The following DYM variants were observed in gnomAD, a reference collection of about 807,000 sequenced individuals.
The protein encoded by DYM is dymeclin.
In DYM, 78 loss-of-function variants were observed where a neutral mutation model predicts 93.1. The ratio of observed to expected loss-of-function variants is 0.84; its 90% CI spans 0.70 to 1.01. The LOEUF (loss-of-function observed/expected upper bound fraction) is 1.01, where lower values mean the gene tolerates loss of function less well. Ranked by LOEUF, DYM falls within the 50% of genes least tolerant of loss-of-function variation. DYM has a pLI of 0.00. For synonymous variants in DYM, 321 were observed against 319.7 expected, an observed-to-expected ratio of 1.00 and a Z score of -0.04; for missense variants, 789 against 845.0, an observed-to-expected ratio of 0.93 and a Z score of 0.82.
intron 14 of DYM, among the ~76,000 whole-genome samples, chr18:49,195,840 C>T (rs112078213): frequency 0.015 from 2,188 of 150,572 alleles, 53 homozygotes; most frequent in African/African-American, 0.05. Context: ...TTTTACTGTA[C>T]GTGGGTAGAA....
At chr18:49,388,126 G>A (rs2068813719) in intron 3 of DYM, among the ~76,000 whole-genome samples, 1 of 152,048 alleles carries the variant, frequency 6.6e-6, no homozygotes, top group Admixed American at 6.6e-5. Context: ...GATCACTTGA[G>A]CCCAGAAGTT....
rs540189318 is a variant in DYM, at chr18:49,195,916, C to CTTTTTTTTTTTTTT, written c.1625+13621_1625+13634dup. On this transcript the variant is annotated intron_variant, in intron 14 of 17. Coordinates refer to ENST00000675505, the MANE Select transcript of DYM (RefSeq NM_001353214.3). ...ATTATGCTCTCTTGAATGCTACCAT[C>CTTTTTTTTTTTTTT]TTTTTTTTTTTTTTTTTTTTTTTTT... 8.7e-4 allele frequency among the ~76,000 whole-genome samples: 73 copies of CTTTTTTTTTTTTTT among 84,038 alleles called. 5 individuals are homozygous for CTTTTTTTTTTTTTT. The highest frequency in any genetic ancestry group is 9.1e-3 in the Middle Eastern group (1 of 110). The allele number at this position is 84,038 out of a possible 152,430, so 55.1% of individuals were successfully genotyped here. A position where few individuals can be genotyped will look rare whatever the true frequency, so the allele number is the denominator to read the frequency against.
chr18:49,059,709 C>T (rs1392716163), intron 17 of DYM, among the ~76,000 whole-genome samples: 2 of 152,092 alleles, frequency 1.3e-5, no homozygotes, highest in Non-Finnish European at 2.9e-5. Flanking sequence ...TGAAGGCTTA[C>T]TCAGTACCAC....
At chr18:49,160,971 G>A (rs2087035528) in intron 15 of DYM, among the ~76,000 whole-genome samples, 1 of 151,700 alleles carries the variant, frequency 6.6e-6, no homozygotes, top group South Asian at 2.1e-4. Flanking sequence ...CTCTCCTACT[G>A]AATCAGTGCT....
intron 1 of DYM, among the ~76,000 whole-genome samples, chr18:49,455,418 A>G (rs561669227): frequency 6.6e-6 from 1 of 152,330 alleles, no homozygotes; most frequent in South Asian, 2.1e-4. Flanking sequence ...GAGAAATCTA[A>G]AGGAAGAGAA....
intron 11 of DYM, among the ~76,000 whole-genome samples, chr18:49,260,634 A>T (rs2094475273): frequency 6.6e-6 from 1 of 152,226 alleles, no homozygotes; most frequent in Admixed American, 6.5e-5. Context: ...AGAAAGTTCC[A>T]TTGGCTTCCA....
intron 1 of DYM, among the ~76,000 whole-genome samples, chr18:49,458,733 G>A (rs2083217185): frequency 1.3e-5 from 2 of 152,116 alleles, no homozygotes; most frequent in Non-Finnish European, 2.9e-5. Flanking sequence ...CAGCTACTCA[G>A]GAGGCTGAGG....
At chr18:49,091,962 A>G (rs189842577) in intron 17 of DYM, among the ~76,000 whole-genome samples, 76 of 152,296 alleles carry the variant, frequency 5.0e-4, no homozygotes, top group African/African-American at 1.7e-3. Flanking sequence ...ATACTGGATC[A>G]TTAAATCAAT....
At chr18:49,329,868 G>A (rs552283276) in intron 8 of DYM, among the ~76,000 whole-genome samples, 1 of 152,248 alleles carries the variant, frequency 6.6e-6, no homozygotes, top group South Asian at 2.1e-4. Flanking sequence ...TTTTTTCAGT[G>A]AGGAACTTCC....
intron 1 of DYM, among the ~76,000 whole-genome samples, chr18:49,433,937 C>T (rs779645942): frequency 2.7e-4 from 41 of 152,074 alleles, no homozygotes; most frequent in Non-Finnish European, 4.6e-4. Context: ...TGGCCAGGCG[C>T]GGTCGCTCAC....
At chr18:49,124,122 C>T (rs1259425433) in intron 15 of DYM, among the ~76,000 whole-genome samples, 5 of 152,192 alleles carry the variant, frequency 3.3e-5, no homozygotes, top group South Asian at 2.1e-4. Flanking sequence ...CAGGGTGATA[C>T]ACCCAACTCC....
intron 15 of DYM, among the ~76,000 whole-genome samples, chr18:49,148,341 A>C (rs2085400426): frequency 6.6e-6 from 1 of 152,028 alleles, no homozygotes; most frequent in South Asian, 2.1e-4. Context: ...TTAAAGTATA[A>C]TTTTAAAAAA....
At chr18:49,443,301 T>C (rs563227615) in intron 1 of DYM, among the ~76,000 whole-genome samples, 1 of 152,342 alleles carries the variant, frequency 6.6e-6, no homozygotes, top group African/African-American at 2.4e-5. Flanking sequence ...GTTTTCCTGA[T>C]ACAACAGCAG....
At chr18:49,286,695 T>C (rs2059689494) in intron 8 of DYM, 79 bp from the exon 9 acceptor site, 5 of 1,361,666 alleles carry the variant, frequency 3.7e-6, no homozygotes, top group African/African-American at 1.4e-5. Context: ...CTGTGTAATA[T>C]AATACAATAT....
chr18:49,237,218 A>T (rs2093894985), intron 13 of DYM, among the ~76,000 whole-genome samples: 1 of 152,104 alleles, frequency 6.6e-6, no homozygotes, highest in South Asian at 2.1e-4. Context: ...ACACTGTCAT[A>T]CACTGTCTCT....
intron 8 of DYM, among the ~76,000 whole-genome samples, chr18:49,291,317 C>T (rs958906459): frequency 6.6e-6 from 1 of 152,174 alleles, no homozygotes; most frequent in Non-Finnish European, 1.5e-5. Flanking sequence ...GTGTGAACAT[C>T]TGTTCATTTC....
At position 49,097,505 on chromosome 18, in the gene DYM, A is replaced by G. The variant is rs141363417; in HGVS notation, c.1922T>C (p.Phe641Ser). Reference sequence around the variant, plus strand: ...AGCTTGCAGCAACCTTGAGCTAAAGAAGGAGATCACCTGTAATGTAAAGTG... The same window carrying G: ...AGCTTGCAGCAACCTTGAGCTAAAGGAGGAGATCACCTGTAATGTAAAGTG... ...IMQNIDLVIS[F>S]FSSRLLQAGA... is the part of the protein sequence containing the mutation. The change falls in exon 17 of 18, where the codon TTC becomes TCC. Residue 641 changes from phenylalanine (F) to serine (S), a missense_variant. Physicochemically the swap from Phe to Ser is radical, Grantham distance 155. This residue lies in a region of DYM where 114 missense variants were observed against 105.8 expected (regional missense o/e 1.08). Coordinates refer to ENST00000675505, the MANE Select transcript of DYM (RefSeq NM_001353214.3). 6.2e-6 allele frequency: 10 copies of G among 1,613,736 alleles called. No homozygotes were observed. The highest frequency in any genetic ancestry group is 8.5e-6 in the Non-Finnish European group (10 of 1,179,824).
intron 14 of DYM, among the ~76,000 whole-genome samples, chr18:49,198,811 T>A (rs955327982): frequency 1.1e-4 from 16 of 151,878 alleles, no homozygotes; most frequent in African/African-American, 3.1e-4. Flanking sequence ...ATTGTGGAAG[T>A]CGGTGTGGCG....
intron 13 of DYM, among the ~76,000 whole-genome samples, chr18:49,216,782 G>T (rs979586590): frequency 7.2e-5 from 11 of 152,074 alleles, no homozygotes; most frequent in African/African-American, 2.7e-4. Flanking sequence ...ACCAAAAGTA[G>T]ATAAAACCAC....
Sources: gnomAD v4.1 joint callset for allele counts (sites outside exome capture counted in the v4.1 genomes callset) on GRCh38, gnomAD v4.1.1 for gene constraint, gnomAD v4.1.1 regional missense constraint, MANE v1.5 for transcripts, NCBI Gene and HGNC (gene_info 2026-07-23, HGNC 2026-07-21) for gene names.